GUCY1A2: variants seen among roughly 807,000 people sequenced by gnomAD.
GUCY1A2 encodes guanylate cyclase 1 soluble subunit alpha 2, also known as guanylate cyclase soluble subunit alpha-2.
A neutral mutation model predicts 63.5 loss-of-function variants in GUCY1A2; 27 were observed. That is an observed-to-expected ratio of 0.43 (90% CI 0.31 to 0.59). The LOEUF is 0.59. GUCY1A2 is among the 20% of genes least tolerant of loss of function. The pLI is 0.11. For synonymous variants in GUCY1A2, 364 were observed against 343.5 expected, an observed-to-expected ratio of 1.06 and a Z score of -0.66; for missense variants, 768 against 913.3, an observed-to-expected ratio of 0.84 and a Z score of 2.05.
At chr11:106,734,903 T>C (rs1455715398) in intron 6 of GUCY1A2, among the ~76,000 whole-genome samples, 1 of 152,126 alleles carries the variant, frequency 6.6e-6, no homozygotes, top group African/African-American at 2.4e-5. Context: ...CTGGGTTCAG[T>C]GATTTTAAAC....
At chr11:106,864,120 TG>T (rs1412523451) in intron 4 of GUCY1A2, among the ~76,000 whole-genome samples, 1 of 151,880 alleles carries the variant, frequency 6.6e-6, no homozygotes, top group Non-Finnish European at 1.5e-5. Flanking sequence ...ATGTAGATGA[TG>T]GGTTGTTGGG....
chr11:106,925,497 G>T (rs1261190554), intron 4 of GUCY1A2, among the ~76,000 whole-genome samples: 3 of 152,120 alleles, frequency 2.0e-5, no homozygotes, highest in Non-Finnish European at 2.9e-5. Flanking sequence ...AGATTTTTAA[G>T]TGTTTTGATT....
At chr11:106,941,031 A>C (rs759463420) in intron 3 of GUCY1A2, among the ~76,000 whole-genome samples, 1 of 152,184 alleles carries the variant, frequency 6.6e-6, no homozygotes, top group Non-Finnish European at 1.5e-5. Context: ...GGCTTACATT[A>C]GCAATCTCAG....
chr11:106,991,728 G>T (rs972124425), intron 1 of GUCY1A2, among the ~76,000 whole-genome samples: 19 of 152,140 alleles, frequency 1.2e-4, no homozygotes, highest in Non-Finnish European at 2.6e-4. Flanking sequence ...AATCAAATAT[G>T]AATTTGTTAG....
chr11:106,686,669 A>G lies in GUCY1A2; in HGVS notation c.*880T>C, dbSNP rs1395728092. The G allele has an allele frequency of 4.7e-6, 1 of 214,372 alleles. No individual in the cohort carries two copies. The highest frequency in any genetic ancestry group is 9.4e-6 in the Non-Finnish European group (1 of 106,204). 13.3% of individuals were successfully genotyped at this position (214,372 alleles called of 1,614,324 possible). On this transcript the variant is annotated 3_prime_UTR_variant, in exon 8 of 8. Coordinates refer to ENST00000526355, the MANE Select transcript of GUCY1A2 (RefSeq NM_000855.3). ...TGCTAAGTTGAAAAGGATCCAGTGT[A>G]GCAAAGCATTTCATTTTAACTGATA...
chr11:106,837,021 G>T (rs766063612), intron 4 of GUCY1A2, among the ~76,000 whole-genome samples: 10 of 151,752 alleles, frequency 6.6e-5, no homozygotes, highest in African/African-American at 2.2e-4. Context: ...TGGTTCAGGG[G>T]TACATGTGTA....
intron 3 of GUCY1A2, among the ~76,000 whole-genome samples, chr11:106,947,949 TAAGA>T (rs755160025): frequency 1.5e-4 from 23 of 151,996 alleles, no homozygotes; most frequent in Non-Finnish European, 7.4e-5. Flanking sequence ...AAGCTGAAAT[TAAGA>T]AAGAAAGTAA....
chr11:106,747,700 T>A (rs1863814113), intron 6 of GUCY1A2, among the ~76,000 whole-genome samples: 1 of 152,168 alleles, frequency 6.6e-6, no homozygotes, highest in Non-Finnish European at 1.5e-5. Flanking sequence ...ATATTGATAT[T>A]GATTGGTAAC....
chr11:106,977,205 C>T (rs967921625), intron 3 of GUCY1A2, among the ~76,000 whole-genome samples: 1 of 152,158 alleles, frequency 6.6e-6, no homozygotes, highest in South Asian at 2.1e-4. Flanking sequence ...GGCATCATCA[C>T]CCCACCCCTT....
chr11:106,926,962 G>A (rs1297019268), intron 4 of GUCY1A2, among the ~76,000 whole-genome samples: 1 of 149,282 alleles, frequency 6.7e-6, no homozygotes, highest in East Asian at 2.0e-4. Context: ...GGACAATTGT[G>A]CATTCTCTTC....
chr11:106,708,169 A>T (rs1290631047), intron 7 of GUCY1A2, among the ~76,000 whole-genome samples: 1 of 152,038 alleles, frequency 6.6e-6, no homozygotes, highest in Non-Finnish European at 1.5e-5. Context: ...CATTTTTATA[A>T]ACAGAAACAT....
rs145816918 is a variant in GUCY1A2, at chr11:106,865,182, G to A, written c.1207-54704C>T. Among the ~76,000 whole-genome samples the A allele has an allele frequency of 4.9e-4, 75 of 152,074 alleles. 1 individual carries two copies. Among genetic ancestry groups the A allele is most frequent in the Non-Finnish European group, 9.4e-4 (64 of 67,958 alleles). On this transcript the variant is annotated intron_variant, in intron 4 of 7. Transcript: ENST00000526355. ...CTTCTGGATTTTCTAGTTTATTTGC[G>A]TAGAGGTGTTTATAGTATTCTCTGA...
chr11:106,685,019 A>G lies in GUCY1A2; in HGVS notation c.*2530T>C, dbSNP rs1319052040. On this transcript the variant is annotated 3_prime_UTR_variant, in exon 8 of 8. Transcript: ENST00000526355. Reference sequence around the variant, plus strand: ...ACAGACATTTTATATAGTACCTCATAAACATATATAGCAACATTGTAACTA... The same window carrying G: ...ACAGACATTTTATATAGTACCTCATGAACATATATAGCAACATTGTAACTA... 2 of 204,534 alleles carry G rather than the reference A, an allele frequency of 9.8e-6. No individual in the cohort carries two copies. Among genetic ancestry groups the G allele is most frequent in the Non-Finnish European group, 2.0e-5 (2 of 99,990 alleles). 12.7% of individuals were successfully genotyped at this position (204,534 alleles called of 1,614,324 possible). A position where few individuals can be genotyped will look rare whatever the true frequency, so the allele number is the denominator to read the frequency against.
At chr11:106,726,394 C>T (rs756755200) in intron 6 of GUCY1A2, among the ~76,000 whole-genome samples, 20 of 151,804 alleles carry the variant, frequency 1.3e-4, no homozygotes, top group African/African-American at 2.4e-4. Flanking sequence ...CCAGCCTGGA[C>T]GACAAGAACA....
Position 106,828,875 on chromosome 11 carries a change from A to C in GUCY1A2, c.1207-18397T>G, listed in dbSNP as rs550339677. Among the ~76,000 whole-genome samples, 29 of 152,348 alleles carry C rather than the reference A, an allele frequency of 1.9e-4. No individual in the cohort carries two copies. The South Asian group carries it at 3.9e-3, about 21-fold the overall frequency. ...TACATTAATCAAAGATGAATCACAG[A>C]GCTATTTCAACAAATACTCCAGAAA... On this transcript the variant is annotated intron_variant, in intron 4 of 7. Transcript: ENST00000526355.
At chr11:106,778,763 TTGAA>T (rs1292760551) in intron 5 of GUCY1A2, among the ~76,000 whole-genome samples, 4 of 152,176 alleles carry the variant, frequency 2.6e-5, no homozygotes, top group African/African-American at 9.6e-5. Flanking sequence ...CTCATATTTA[TTGAA>T]TATTTGCTAA....
chr11:106,967,411 A>T (rs1200809876), intron 3 of GUCY1A2, among the ~76,000 whole-genome samples: 1 of 152,118 alleles, frequency 6.6e-6, no homozygotes, highest in Non-Finnish European at 1.5e-5. Flanking sequence ...AAAATCTAGC[A>T]GTAACCAGGC....
chr11:106,808,548 T>C lies in GUCY1A2; in HGVS notation c.1692+1445A>G, dbSNP rs79180626. Among the ~76,000 whole-genome samples the C allele has an allele frequency of 5.9e-3, 896 of 152,244 alleles. 13 individuals carry two copies. Among genetic ancestry groups the C allele is most frequent in the African/African-American group, 0.02 (820 of 41,568 alleles). ...AAAATCTAACTGATACTTATGTTTG[T>C]CAGGGATTCCCATGTTTTTTCCAGA... On this transcript the variant is annotated intron_variant, in intron 5 of 7. Transcript: ENST00000526355.
intron 4 of GUCY1A2, among the ~76,000 whole-genome samples, chr11:106,905,197 T>A (rs1860187436): frequency 6.6e-6 from 1 of 152,066 alleles, no homozygotes; most frequent in Non-Finnish European, 1.5e-5. Context: ...AGAACAAAAA[T>A]AGACTGTTAT....
Sources: gnomAD v4.1 joint callset for allele counts (sites outside exome capture counted in the v4.1 genomes callset) on GRCh38, gnomAD v4.1.1 for gene constraint, MANE v1.5 for transcripts, NCBI Gene and HGNC (gene_info 2026-07-23, HGNC 2026-07-21) for gene names.